The following ROR1 variants were observed in gnomAD, a reference collection of about 807,000 sequenced individuals.
ROR1 encodes the protein ROR family WNT receptor 1, also known as inactive tyrosine-protein kinase transmembrane receptor ROR1.
ROR1 carries 19 observed loss-of-function variants against 78.8 expected under a neutral mutation model. The observed-to-expected ratio is 0.24, with a 90% CI of 0.17 to 0.35. The LOEUF (loss-of-function observed/expected upper bound fraction) is 0.35. ROR1 is among the 10% of genes least tolerant of loss of function. The probability of loss-of-function intolerance (pLI) is 1.00; values close to 1 mark genes in which losing one functional copy is unlikely to be tolerated. For synonymous variants in ROR1, 386 were observed against 433.6 expected (o/e 0.89, Z 1.36); for missense variants, 917 against 1,177.8 (o/e 0.78, Z 3.24).
Position 63,996,064 on chromosome 1 carries a change from GA to G in ROR1, c.92-13237del, listed in dbSNP as rs1339135029. 2.0e-5 allele frequency among the ~76,000 whole-genome samples: 3 copies of G among 152,152 alleles called. No homozygotes were observed. The East Asian group carries it at 5.8e-4, about 29-fold the overall frequency. ...AGCTATCATATCACCTATGCATTCA[GA>G]AAACGTCTATTGACTACCTACTATG... On this transcript the variant is annotated intron_variant, in intron 1 of 8. Transcript: ENST00000371079.
At chr1:64,159,759 G>T (rs1420781761) in intron 8 of ROR1, among the ~76,000 whole-genome samples, 3 of 152,052 alleles carry the variant, frequency 2.0e-5, no homozygotes, top group Admixed American at 1.3e-4. Flanking sequence ...AGGAAGTGTT[G>T]TCCTTCCAAT....
At chr1:63,973,769 C>T (rs1326219076) in intron 1 of ROR1, among the ~76,000 whole-genome samples, 12 of 152,120 alleles carry the variant, frequency 7.9e-5, no homozygotes, top group Non-Finnish European at 1.3e-4. Context: ...ACAGCAGATT[C>T]TGATATATGT....
At chr1:63,950,761 G>A (rs960462099) in intron 1 of ROR1, among the ~76,000 whole-genome samples, 2 of 152,208 alleles carry the variant, frequency 1.3e-5, no homozygotes, top group African/African-American at 4.8e-5. Flanking sequence ...TGCAAGGGCA[G>A]CCAGATTTGG....
intron 1 of ROR1, among the ~76,000 whole-genome samples, chr1:63,883,696 G>T: frequency 6.6e-6 from 1 of 152,178 alleles, no homozygotes; most frequent in Non-Finnish European, 1.5e-5. Flanking sequence ...CCATGTTGTT[G>T]TCTCTGGCCG....
chr1:64,022,537 T>A (rs1171472243), intron 2 of ROR1, among the ~76,000 whole-genome samples: 1 of 152,210 alleles, frequency 6.6e-6, no homozygotes, highest in Non-Finnish European at 1.5e-5. Context: ...ACGCTAACTG[T>A]TTTTACTTAG....
chr1:63,894,323 T>G (rs991681533), intron 1 of ROR1, among the ~76,000 whole-genome samples: 1 of 152,176 alleles, frequency 6.6e-6, no homozygotes, highest in Non-Finnish European at 1.5e-5. Flanking sequence ...CATGGTACCT[T>G]GGGTAACTAA....
rs72685114 is a variant in ROR1 at position 64,017,572 on chromosome 1, G to A, written c.163+8196G>A. On this transcript the variant is annotated intron_variant, in intron 2 of 8. Coordinates refer to ENST00000371079, the MANE Select transcript of ROR1 (RefSeq NM_005012.4). Reference sequence around the variant, plus strand: ...CCCCTGCCATCCAGCCATCAATGGAGCAGAAAGGGTCTTCCTCACCATGTA... The same window carrying A: ...CCCCTGCCATCCAGCCATCAATGGAACAGAAAGGGTCTTCCTCACCATGTA... Among the ~76,000 whole-genome samples the A allele has an allele frequency of 4.3e-3, 650 of 152,292 alleles. 4 individuals carry two copies. The highest frequency in any genetic ancestry group is 0.01 in the Middle Eastern group (3 of 294).
chr1:64,147,418 T>C (rs966871788), intron 7 of ROR1, among the ~76,000 whole-genome samples: 9 of 152,206 alleles, frequency 5.9e-5, no homozygotes, highest in African/African-American at 1.4e-4. Flanking sequence ...TCTTGAATTC[T>C]TCAAGCCAAG....
chr1:64,056,261 A>G (rs913816517), intron 4 of ROR1, among the ~76,000 whole-genome samples: 3 of 152,168 alleles, frequency 2.0e-5, no homozygotes, highest in Non-Finnish European at 4.4e-5. Context: ...ACTGTTTTCC[A>G]AAGAGGCTGC....
chr1:63,890,548 A>T, intron 1 of ROR1, among the ~76,000 whole-genome samples: 1 of 151,802 alleles, frequency 6.6e-6, no homozygotes, highest in Admixed American at 6.6e-5. Context: ...GTAATCTTTG[A>T]TTTGTCAGGA....
rs150745891 is a variant in ROR1, at chr1:64,167,813, C to A, written c.1386+8621C>A. ...CAACTAGCTAGCAGAGACAACAGAG[C>A]ATCAACGGAGTGAGGTCTAACTCAA... On this transcript the variant is annotated intron_variant, in intron 8 of 8. Transcript: ENST00000371079. Among the ~76,000 whole-genome samples, 1,205 of 152,284 alleles carry A rather than the reference C, an allele frequency of 7.9e-3. 12 individuals carry two copies. Among genetic ancestry groups the A allele is most frequent in the South Asian group, 0.017 (83 of 4,826 alleles).
chr1:64,177,283 C>T (rs996199446), intron 8 of ROR1, 145 bp from the exon 9 acceptor site: 40 of 648,146 alleles, frequency 6.2e-5, no homozygotes, highest in Non-Finnish European at 9.2e-5. Flanking sequence ...TTGCAGCCAA[C>T]GATTTGAAAG....
At chr1:64,112,713 A>G (rs1170501937) in intron 4 of ROR1, among the ~76,000 whole-genome samples, 1 of 152,022 alleles carries the variant, frequency 6.6e-6, no homozygotes, top group East Asian at 1.9e-4. Context: ...TTCCCCCACA[A>G]GTTTCTGTCC....
intron 4 of ROR1, among the ~76,000 whole-genome samples, chr1:64,055,951 G>C (rs976305189): frequency 1.3e-5 from 2 of 152,106 alleles, no homozygotes; most frequent in Non-Finnish European, 2.9e-5. Flanking sequence ...TTTTGTGTTT[G>C]CCTTCTTTCA....
In ROR1 at chr1:64,177,437, A is replaced by G; in HGVS notation, c.1396A>G (p.Lys466Glu). The G allele has an allele frequency of 1.2e-6, 2 of 1,612,930 alleles. No homozygotes were observed. The highest frequency in any genetic ancestry group is 4.5e-5 in the East Asian group (2 of 44,866). Residue 466 changes from lysine (K) to glutamate (E), a missense_variant, in exon 9 of 9, where the codon AAA becomes GAA. Physicochemically the swap from Lys to Glu is moderately conservative, Grantham distance 56 (BLOSUM62 1). Coordinates refer to ENST00000371079, the MANE Select transcript of ROR1 (RefSeq NM_005012.4). ...CCTCTCTTTCATACAGAGCAAGGCT[A>G]AAGAGCTACCTCTTTCTGCTGTACG... ...LNAYKPKSKA[K>E]ELPLSAVRFM...
intron 4 of ROR1, among the ~76,000 whole-genome samples, chr1:64,069,185 A>G (rs953508385): frequency 6.6e-6 from 1 of 152,110 alleles, no homozygotes; most frequent in Admixed American, 6.5e-5. Context: ...TAAAAAAAAA[A>G]TCAAAATCAC....
At chr1:63,980,492 C>T (rs114929240) in intron 1 of ROR1, among the ~76,000 whole-genome samples, 1,657 of 152,220 alleles carry the variant, frequency 0.011, 31 homozygotes, top group African/African-American at 0.038. Context: ...TCCTGCTTTC[C>T]GAGTTTGAGG....
intron 4 of ROR1, among the ~76,000 whole-genome samples, chr1:64,124,258 C>T (rs2100691531): frequency 6.6e-6 from 1 of 152,000 alleles, no homozygotes. Context: ...ATGAGAATGC[C>T]CTGGGGTATC....
At chr1:64,101,855 G>T (rs1262261353) in intron 4 of ROR1, among the ~76,000 whole-genome samples, 6 of 152,164 alleles carry the variant, frequency 3.9e-5, no homozygotes, top group Admixed American at 2.0e-4. Context: ...TAACCTAAAA[G>T]CTTTGTGACA....
Sources: allele counts gnomAD v4.1 joint callset (sites outside exome capture counted in the v4.1 genomes callset), GRCh38; gene constraint gnomAD v4.1.1; transcripts MANE v1.5; gene names NCBI Gene and HGNC (gene_info 2026-07-23, HGNC 2026-07-21).